Variants in LRRC37A2 observed in about 807,000 individuals in gnomAD.
LRRC37A2 encodes the protein leucine-rich repeat-containing protein 37A2.
In LRRC37A2, 9 loss-of-function variants were observed where a neutral mutation model predicts 68.8. The observed-to-expected ratio is 0.13, with a 90% CI of 0.08 to 0.23. The LOEUF (loss-of-function observed/expected upper bound fraction) is 0.23. Ranked by LOEUF, LRRC37A2 falls within the 10% of genes least tolerant of loss-of-function variation. LRRC37A2 has a pLI of 1.00. For missense variants in LRRC37A2, 168 were observed against 950.4 expected, an observed-to-expected ratio of 0.18 and a Z score of 10.82; for synonymous variants, 63 against 367.6, an observed-to-expected ratio of 0.17 and a Z score of 9.48.
the LRRC37A2 span, among the ~76,000 whole-genome samples, chr17:47,011,785 T>G: frequency 8.5e-5 from 13 of 152,110 alleles, no homozygotes; most frequent in Non-Finnish European, 1.5e-4. Flanking sequence ...AGTTCAACTC[T>G]GATGTTTCCT....
the LRRC37A2 span, among the ~76,000 whole-genome samples, chr17:46,778,570 C>A: frequency 2.6e-5 from 4 of 152,108 alleles, no homozygotes; most frequent in African/African-American, 9.7e-5. Flanking sequence ...GAAATTCCAC[C>A]ATCGCAGACA....
At chr17:46,981,950 C>T in the LRRC37A2 span, among the ~76,000 whole-genome samples, 4 of 152,152 alleles carry the variant, frequency 2.6e-5, no homozygotes, top group African/African-American at 7.2e-5. Context: ...GATCTACCAC[C>T]TCAGTCTCCC....
At chr17:46,951,235 G>A in the LRRC37A2 span, among the ~76,000 whole-genome samples, 4 of 152,170 alleles carry the variant, frequency 2.6e-5, no homozygotes, top group African/African-American at 9.7e-5. Context: ...TGGCTGGAAC[G>A]GCGGGTTCCA....
At chr17:46,526,478 C>T (rs1402685897) in intron 6 of LRRC37A2, among the ~76,000 whole-genome samples, 1 of 103,358 alleles carries the variant, frequency 9.7e-6, no homozygotes, top group Non-Finnish European at 2.1e-5. Context: ...CTTCCAAGGT[C>T]GTGGGAGGGC....
the LRRC37A2 span, among the ~76,000 whole-genome samples, chr17:46,942,316 CAG>C: frequency 3.3e-5 from 5 of 152,350 alleles, no homozygotes; most frequent in Admixed American, 2.0e-4. Context: ...GGAGGTCAGA[CAG>C]GGATTTTCCT....
chr17:46,631,017 A>C, the LRRC37A2 span, among the ~76,000 whole-genome samples: 1 of 135,310 alleles, frequency 7.4e-6, no homozygotes, highest in Non-Finnish European at 1.5e-5. Context: ...TTTCTTTATC[A>C]TTCTGGCTCC....
chr17:46,395,362 AC>A, the LRRC37A2 span, among the ~76,000 whole-genome samples: 1 of 139,604 alleles, frequency 7.2e-6, no homozygotes, highest in African/African-American at 2.7e-5. Flanking sequence ...TTATGGTTGT[AC>A]AACATAGTAA....
chr17:46,792,248 C>T, the LRRC37A2 span, among the ~76,000 whole-genome samples: 9 of 152,186 alleles, frequency 5.9e-5, no homozygotes, highest in Non-Finnish European at 1.3e-4. Context: ...AGGAGGTGTC[C>T]TCCAGAGGGG....
chr17:46,935,325 T>C, the LRRC37A2 span: 3 of 1,495,652 alleles, frequency 2.0e-6, no homozygotes, highest in Non-Finnish European at 2.7e-6. Context: ...CTGTTGGAGT[T>C]GAGTTATTGT....
chr17:46,851,653 C>T, the LRRC37A2 span: 1 of 1,284,382 alleles, frequency 7.8e-7, no homozygotes, highest in Non-Finnish European at 9.8e-7. This position sits in a 1 kb window ranked among gnomAD's most constrained non-coding sequence, Gnocchi z 4.3. Flanking sequence ...GCCCCCCGCC[C>T]GCGCTGGCCC....
the LRRC37A2 span, among the ~76,000 whole-genome samples, chr17:46,903,249 C>A: frequency 6.6e-6 from 1 of 151,152 alleles, no homozygotes; most frequent in South Asian, 2.1e-4. Context: ...CTATTGCACT[C>A]CAGCGTGGGC....
At chr17:46,835,953 G>A in the LRRC37A2 span, among the ~76,000 whole-genome samples, 3,672 of 152,304 alleles carry the variant, frequency 0.024, 125 homozygotes, top group African/African-American at 0.079. Context: ...CCTCAGAGGT[G>A]AGATCCTGCC....
the LRRC37A2 span, among the ~76,000 whole-genome samples, chr17:46,957,689 G>C: frequency 6.6e-6 from 1 of 152,168 alleles, no homozygotes; most frequent in Non-Finnish European, 1.5e-5. Flanking sequence ...AGGCAAACAG[G>C]ACATGAAGGA....
At chr17:46,930,919 A>G in the LRRC37A2 span, 2 of 613,672 alleles carry the variant, frequency 3.3e-6, no homozygotes, top group Non-Finnish European at 5.8e-6. Context: ...ACTTTTTTCA[A>G]AACAACATTT....
the LRRC37A2 span, among the ~76,000 whole-genome samples, chr17:47,028,981 C>A: frequency 3.5e-3 from 531 of 151,914 alleles, 2 homozygotes; most frequent in Middle Eastern, 0.01. Context: ...GAGTTTGAGA[C>A]CAGCCTGGCC....
the LRRC37A2 span, chr17:46,885,604 C>T: frequency 6.6e-6 from 1 of 152,166 alleles, no homozygotes; most frequent in African/African-American, 2.4e-5. Flanking sequence ...TGCCCGGCCG[C>T]CTTAGCATTT....
the LRRC37A2 span, among the ~76,000 whole-genome samples, chr17:46,842,298 T>C: frequency 3.3e-5 from 5 of 152,344 alleles, no homozygotes; most frequent in African/African-American, 1.2e-4. Flanking sequence ...ATGCCGCTGC[T>C]GCACACCCCA....
the LRRC37A2 span, among the ~76,000 whole-genome samples, chr17:46,934,779 C>T: frequency 7.3e-4 from 111 of 152,278 alleles, 1 homozygote; most frequent in African/African-American, 2.6e-3. Context: ...AGACAAGTAT[C>T]GTTGGAATGA....
the LRRC37A2 span, among the ~76,000 whole-genome samples, chr17:46,951,964 G>A: frequency 6.6e-6 from 1 of 152,040 alleles, no homozygotes; most frequent in African/African-American, 2.4e-5. Flanking sequence ...TTTCTAAACC[G>A]TTTTTCTCTG....
Sources: gnomAD v4.1 joint callset for allele counts (sites outside exome capture counted in the v4.1 genomes callset) on GRCh38, gnomAD v4.1.1 for gene constraint, Gnocchi (gnomAD v3.1) non-coding constraint, MANE v1.5 for transcripts, NCBI Gene and HGNC (gene_info 2026-07-23, HGNC 2026-07-21) for gene names.